Variants in ZMAT3 observed in about 807,000 individuals in gnomAD.
The protein encoded by ZMAT3 is zinc finger matrin-type protein 3.
A neutral mutation model predicts 32.3 loss-of-function variants in ZMAT3; 17 were observed. That is an observed-to-expected ratio of 0.53 (90% confidence interval 0.36 to 0.79). ZMAT3 has a LOEUF of 0.79. ZMAT3 is among the 30% of genes least tolerant of loss of function. The pLI is 0.00. For missense variants in ZMAT3, 329 were observed against 359.7 expected (o/e 0.91, Z 0.69); for synonymous variants, 120 against 133.1 (o/e 0.90, Z 0.68).
chr3:179,039,331 G>A (rs185127629), intron 2 of ZMAT3, among the ~76,000 whole-genome samples: 1 of 152,300 alleles, frequency 6.6e-6, no homozygotes, highest in African/African-American at 2.4e-5. Flanking sequence ...ACCTCATATA[G>A]ATGGGTGCCC....
chr3:179,069,725 T>C (rs949640930), intron 1 of ZMAT3, among the ~76,000 whole-genome samples: 1 of 152,144 alleles, frequency 6.6e-6, no homozygotes, highest in Admixed American at 6.5e-5. Context: ...GATGGGAAAA[T>C]AATGTAGTTA....
At chr3:179,058,584 G>A (rs548358381) in intron 2 of ZMAT3, among the ~76,000 whole-genome samples, 27 of 151,984 alleles carry the variant, frequency 1.8e-4, no homozygotes, top group Non-Finnish European at 2.4e-4. Context: ...GTGAAACCCC[G>A]TCTCTACTAA....
rs1718371847 is a variant in ZMAT3, at chr3:179,018,228, AT to A, written c.*6788del. 1 of 152,142 alleles carries A rather than the reference AT, an allele frequency of 6.6e-6. No homozygotes were observed. Among genetic ancestry groups the A allele is most frequent in the Non-Finnish European group, 1.5e-5 (1 of 68,028 alleles). 9.4% of individuals were successfully genotyped at this position (152,142 alleles called of 1,614,324 possible). On this transcript the variant is annotated 3_prime_UTR_variant, in exon 6 of 6. Transcript: ENST00000311417. The stretch of plus-strand genomic sequence containing the variant: ...GTAGAGAATACACAAATAATAATAA[AT>A]GATATAGAACATTTATTATTTTCAC...
chr3:179,070,972 G>A (rs1721678272), intron 1 of ZMAT3, among the ~76,000 whole-genome samples: 1 of 152,144 alleles, frequency 6.6e-6, no homozygotes, highest in Non-Finnish European at 1.5e-5. Context: ...GAGCACCTCA[G>A]CAAACTAGGT....
intron 2 of ZMAT3, among the ~76,000 whole-genome samples, chr3:179,064,278 G>T (rs1210267016): frequency 6.6e-6 from 1 of 152,232 alleles, no homozygotes; most frequent in Non-Finnish European, 1.5e-5. Flanking sequence ...TGAAGGTACA[G>T]CTTGGTAATG....
chr3:179,060,080 C>CGG (rs1381235745), intron 2 of ZMAT3, among the ~76,000 whole-genome samples: 1 of 151,970 alleles, frequency 6.6e-6, no homozygotes, highest in Non-Finnish European at 1.5e-5. Flanking sequence ...CAACAGCTAC[C>CGG]CTCTTTGGGT....
At chr3:179,072,079 T>G (rs1010508310), upstream of ZMAT3, 1 of 152,470 alleles carries the variant, frequency 6.6e-6, no homozygotes, top group African/African-American at 2.4e-5. Flanking sequence ...GTTCAGCAGA[T>G]GCCCTGGAAA....
Position 179,018,688 on chromosome 3 carries a change from C to T in ZMAT3, c.*6329G>A, listed in dbSNP as rs1313512742. The T allele has an allele frequency of 6.6e-6, 1 of 152,058 alleles. No homozygotes were observed. Among genetic ancestry groups the T allele is most frequent in the Non-Finnish European group, 1.5e-5 (1 of 67,968 alleles). The allele number at this position is 152,058 out of a possible 1,614,324, so 9.4% of individuals were successfully genotyped here. The stretch of plus-strand genomic sequence containing the variant: ...CAAAAAGTGGGCATAAAAATAAAGG[C>T]ATATGTAAAAATAATTTTTTCTAAA... On this transcript the variant is annotated 3_prime_UTR_variant, in exon 6 of 6. Transcript: ENST00000311417.
chr3:179,032,560 C>T (rs1719318694), intron 2 of ZMAT3, among the ~76,000 whole-genome samples: 1 of 151,218 alleles, frequency 6.6e-6, no homozygotes, highest in Non-Finnish European at 1.5e-5. Flanking sequence ...AAGTGAGGTG[C>T]GTCTCTGCCC....
chr3:179,017,546 C>G lies in ZMAT3; in HGVS notation c.*7471G>C, dbSNP rs945685583. On this transcript the variant is annotated 3_prime_UTR_variant, in exon 6 of 6. Transcript: ENST00000311417. ...CTCCGACCCAACAGCATACACAGAT[C>G]TTAAGCCTCTGTATGACATTTAGAG... The G allele has an allele frequency of 6.6e-6, 1 of 152,180 alleles. No homozygotes were observed. Among genetic ancestry groups the G allele is most frequent in the Non-Finnish European group, 1.5e-5 (1 of 68,024 alleles). The allele number at this position is 152,180 out of a possible 1,614,324, so 9.4% of individuals were successfully genotyped here. A position where few individuals can be genotyped will look rare whatever the true frequency, so the allele number is the denominator to read the frequency against.
intron 2 of ZMAT3, among the ~76,000 whole-genome samples, chr3:179,057,533 C>T (rs1317540118): frequency 6.6e-6 from 1 of 152,216 alleles, no homozygotes; most frequent in Non-Finnish European, 1.5e-5. Context: ...ACACTCCTGT[C>T]CTTCGGTACG....
chr3:179,018,480 A>AT lies in ZMAT3; in HGVS notation c.*6536dup, dbSNP rs1017820179. ...AAAAGTGTAATTAGTAAAAATATGG[A>AT]TTTTCCCTCCAAGGGCCCAAAGGAA... On this transcript the variant is annotated 3_prime_UTR_variant, in exon 6 of 6. Coordinates refer to ENST00000311417, the MANE Select transcript of ZMAT3 (RefSeq NM_022470.4). The AT allele has an allele frequency of 6.6e-6, 1 of 151,994 alleles. No homozygotes were observed. The highest frequency in any genetic ancestry group is 1.5e-5 in the Non-Finnish European group (1 of 67,984). The allele number at this position is 151,994 out of a possible 1,614,324, so 9.4% of individuals were successfully genotyped here.
intron 3 of ZMAT3, among the ~76,000 whole-genome samples, chr3:179,030,548 G>A (rs536640133): frequency 1.6e-4 from 25 of 152,050 alleles, no homozygotes; most frequent in African/African-American, 6.0e-4. Flanking sequence ...TTGGGACAGG[G>A]TTTCACCGTG....
chr3:179,055,479 C>CCCG (rs1720790124), intron 2 of ZMAT3, among the ~76,000 whole-genome samples: 3 of 150,706 alleles, frequency 2.0e-5, no homozygotes, highest in African/African-American at 7.3e-5. Context: ...CCAGCGTCCC[C>CCCG]TCCCCGACTC....
At chr3:179,072,369 GAAAGTGA>G (rs1721767639), upstream of ZMAT3, 1 of 150,724 alleles carries the variant, frequency 6.6e-6, no homozygotes, top group Non-Finnish European at 1.5e-5. Context: ...TCCCCTACAC[GAAAGTGA>G]GCAGGAGATA....
chr3:179,032,065 ACTGCT>A (rs1403359028), intron 2 of ZMAT3, among the ~76,000 whole-genome samples: 9 of 26 alleles, frequency 0.35, no homozygotes, highest in African/African-American at 0.45. Flanking sequence ...CCGAGGCTGG[ACTGCT>A]TGCCGCCATC....
chr3:179,026,965 G>A (rs1001243304), intron 5 of ZMAT3, among the ~76,000 whole-genome samples: 3 of 152,090 alleles, frequency 2.0e-5, no homozygotes, highest in Admixed American at 6.6e-5. Flanking sequence ...CATATGTCTG[G>A]GTCCTACTCC....
intron 3 of ZMAT3, among the ~76,000 whole-genome samples, chr3:179,028,176 T>C (rs1178354819): frequency 1.3e-5 from 2 of 152,200 alleles, no homozygotes; most frequent in African/African-American, 4.8e-5. Flanking sequence ...TCGATAAGCA[T>C]TTAGTGACTG....
chr3:179,068,754 A>G (rs1444296045), intron 1 of ZMAT3, among the ~76,000 whole-genome samples: 1 of 152,246 alleles, frequency 6.6e-6, no homozygotes, highest in Non-Finnish European at 1.5e-5. Flanking sequence ...GGTGGCAAAC[A>G]GCCTGTGGGC....
Sources: gnomAD v4.1 joint callset for allele counts (sites outside exome capture counted in the v4.1 genomes callset) on GRCh38, gnomAD v4.1.1 for gene constraint, MANE v1.5 for transcripts, NCBI Gene and HGNC (gene_info 2026-07-23, HGNC 2026-07-21) for gene names.